Variants in ZNF195 observed in about 807,000 individuals in gnomAD.
ZNF195 encodes zinc finger protein 195.
ZNF195 carries 11 observed loss-of-function variants against 19.5 expected under a neutral mutation model. That is an observed-to-expected ratio of 0.57 (90% CI 0.36 to 0.94). ZNF195 has a LOEUF of 0.94. Ranked by LOEUF, ZNF195 falls within the 40% of genes least tolerant of loss-of-function variation. The pLI is 0.01. For missense variants in ZNF195, 582 were observed against 709.0 expected, an observed-to-expected ratio of 0.82 and a Z score of 2.03; for synonymous variants, 214 against 248.1, an observed-to-expected ratio of 0.86 and a Z score of 1.29.
At chr11:3,371,127 T>G (rs2269734) in intron 2 of ZNF195, 57 bp from the exon 3 acceptor site, 1,182,166 of 1,548,508 alleles carry the variant, frequency 0.76, 453,834 homozygotes, top group Middle Eastern at 0.82. Flanking sequence ...ATTATCAACC[T>G]TGTACTGTGC....
intron 1 of ZNF195, chr11:3,373,676 C>G: frequency 7.8e-6 from 12 of 1,535,556 alleles, no homozygotes; most frequent in Non-Finnish European, 1.1e-5. Flanking sequence ...GAGAATATGC[C>G]TTTAAAGGTG....
chr11:3,374,779 G>A (rs1248133857), intron 1 of ZNF195, among the ~76,000 whole-genome samples: 2 of 152,254 alleles, frequency 1.3e-5, no homozygotes, highest in Non-Finnish European at 2.9e-5. Context: ...GGGATACAGA[G>A]GGGATGAAGT....
intron 3 of ZNF195, among the ~76,000 whole-genome samples, chr11:3,364,459 CT>C (rs1336064418): frequency 1.0e-3 from 155 of 152,244 alleles, no homozygotes; most frequent in Middle Eastern, 3.4e-3. Flanking sequence ...ATTCAAAATT[CT>C]GCTATAATAT....
rs779246198 is a variant in ZNF195 at position 3,361,888 on chromosome 11, C to G, written c.228G>C (p.Glu76Asp). Reference protein sequence around the residue: ...KRQEAADGHPEMGFHHATQAC... With the variant: ...KRQEAADGHPDMGFHHATQAC... Reference sequence around the variant, plus strand: ...CCTGAGTAGCATGGTGAAATCCCATCTCTACAGAAAATACAAAAAAATTAG... The same window carrying G: ...CCTGAGTAGCATGGTGAAATCCCATGTCTACAGAAAATACAAAAAAATTAG... Residue 76 changes from glutamate (E) to aspartate (D), a missense_variant and splice_region_variant, in exon 4 of 6, where the codon GAG becomes GAC. By Grantham distance (45) the Glu-to-Asp change is conservative. Around this residue, in one of 3 missense-constraint regions of ZNF195, gnomAD observed 129 missense variants for 112.1 expected, o/e 1.15. Coordinates refer to ENST00000399602, the MANE Select transcript of ZNF195 (RefSeq NM_001130520.3). 2.3e-6 allele frequency: 1 copy of G among 443,112 alleles called. No homozygotes were observed. Among genetic ancestry groups the G allele is most frequent in the Non-Finnish European group, 4.4e-6 (1 of 225,704 alleles). The allele number at this position is 443,112 out of a possible 1,614,324, so 27.4% of individuals were successfully genotyped here.
intron 1 of ZNF195, 118 bp downstream of exon 1, chr11:3,378,920 G>A (rs979828601): frequency 1.7e-5 from 20 of 1,211,690 alleles, no homozygotes; most frequent in East Asian, 9.5e-5. Context: ...GCAGCTGGAG[G>A]GGCCTCGGGT....
rs1266514483 is a variant in ZNF195, at chr11:3,360,078, T to C, written c.930A>G (p.Lys310=). 2 of 1,614,038 alleles carry C rather than the reference T, an allele frequency of 1.2e-6. No homozygotes were observed. The highest frequency in any genetic ancestry group is 1.7e-6 in the Non-Finnish European group (2 of 1,180,044). ...YKCQECNNVI[K]TCSVLTKNRI... is the part of the protein sequence containing the mutation. ...TATTTTTAGTAAGGACTGAGCAAGTTTTAATGACGTTGTTACATTCTTGAC... is the reference window on the plus strand; with the variant it reads ...TATTTTTAGTAAGGACTGAGCAAGTCTTAATGACGTTGTTACATTCTTGAC... The change falls in exon 6 of 6, where the codon AAA becomes AAG. Residue 310 remains lysine (K), a synonymous_variant. Transcript: ENST00000399602.
chr11:3,375,773 G>C (rs1222729488), intron 1 of ZNF195: 1 of 152,106 alleles, frequency 6.6e-6, no homozygotes, highest in Non-Finnish European at 1.5e-5. Context: ...ATACCAATGA[G>C]GTTTCTTCTC....
intron 3 of ZNF195, among the ~76,000 whole-genome samples, chr11:3,366,314 G>A (rs1468375058): frequency 6.8e-6 from 1 of 147,496 alleles, no homozygotes; most frequent in Non-Finnish European, 1.5e-5. Context: ...ATATAGGACA[G>A]CAAATGCATA....
intron 4 of ZNF195, 87 bp from the exon 5 acceptor site, chr11:3,360,875 GA>G: frequency 1.7e-6 from 2 of 1,155,434 alleles, no homozygotes; most frequent in South Asian, 3.2e-5. Context: ...ATGCCTTTAA[GA>G]GTACACCCTC....
At chr11:3,379,008 T>A in intron 1 of ZNF195, 30 bp downstream of exon 1, 1 of 1,405,170 alleles carries the variant, frequency 7.1e-7, no homozygotes, top group Non-Finnish European at 9.4e-7. Flanking sequence ...CCCCTCCCTG[T>A]CTCTCAGGAG....
At chr11:3,377,765 T>C (rs964570876) in intron 1 of ZNF195, 11 of 1,031,722 alleles carry the variant, frequency 1.1e-5, no homozygotes, top group African/African-American at 1.7e-5. Context: ...GACATGGCCA[T>C]GGTGGGCATC....
At chr11:3,368,512 A>G (rs1478733110) in intron 3 of ZNF195, among the ~76,000 whole-genome samples, 2 of 152,274 alleles carry the variant, frequency 1.3e-5, no homozygotes, top group African/African-American at 4.8e-5. Context: ...GACCAAGACT[A>G]TAGATTCAAT....
chr11:3,372,114 C>T (rs34669540), intron 1 of ZNF195, among the ~76,000 whole-genome samples: 2,738 of 152,262 alleles, frequency 0.018, 46 homozygotes, highest in Middle Eastern at 0.11. Context: ...ATTTCTAACG[C>T]GCTCACCAGT....
intron 3 of ZNF195, chr11:3,368,824 T>C (rs562789760): frequency 4.6e-5 from 21 of 455,714 alleles, no homozygotes; most frequent in Admixed American, 1.6e-4. Context: ...GAAGATACAA[T>C]ACAGACAGTA....
Position 3,360,406 on chromosome 11 carries a change from T to C in ZNF195, c.602A>G (p.Tyr201Cys). ...SLDECKLQKD[Y>C]NGLNQCSSTT... is the part of the protein sequence containing the mutation. The stretch of plus-strand genomic sequence containing the variant: ...TGATGAACATTGGTTAAGTCCATTA[T>C]AATCTTTTTGCAACTTACACTCATC... Residue 201 changes from tyrosine (Y) to cysteine (C), a missense_variant, in exon 6 of 6, where the codon TAT (tyrosine) becomes TGT (cysteine). Tyr to Cys is a radical substitution (Grantham distance 194). Transcript: ENST00000399602. 6.2e-7 allele frequency: 1 copy of C among 1,612,714 alleles called. No individual in the cohort carries two copies. The highest frequency in any genetic ancestry group is 8.5e-7 in the Non-Finnish European group (1 of 1,179,700).
chr11:3,360,348 T>C lies in ZNF195; in HGVS notation c.660A>G (p.Lys220=), dbSNP rs1313883986. The stretch of plus-strand genomic sequence containing the variant: ...AAAAGTTATCAAAGATTTTAACATA[T>C]TTATTATATTGAAAGATTTTGCTAT... ...TTHSKIFQYN[K]YVKIFDNFSN... is the part of the protein sequence containing the mutation. Residue 220 remains lysine (K), a synonymous_variant, in exon 6 of 6, where the codon AAA becomes AAG. Transcript: ENST00000399602. The C allele has an allele frequency of 4.4e-6, 7 of 1,601,548 alleles. No homozygotes were observed. The highest frequency in any genetic ancestry group is 5.1e-6 in the Non-Finnish European group (6 of 1,172,238).
intron 1 of ZNF195, chr11:3,377,505 G>A: frequency 1.1e-6 from 1 of 897,872 alleles, no homozygotes; most frequent in African/African-American, 1.8e-5. Context: ...GGGCAGAAAT[G>A]ATTTCGGTCT....
In ZNF195 at chr11:3,359,038, T is replaced by G; in HGVS notation, c.*80A>C. On this transcript the variant is annotated 3_prime_UTR_variant, in exon 6 of 6. Transcript: ENST00000399602. This position sits in a 1 kb window ranked among gnomAD's most constrained non-coding sequence, Gnocchi z 5.5. The stretch of plus-strand genomic sequence containing the variant: ...GTAATTACATTTATGATAACTTTAT[T>G]AAGTCTGAACTCTGATGTAAAGTGG... 2.8e-6 allele frequency: 4 copies of G among 1,425,090 alleles called. No individual in the cohort carries two copies. Among genetic ancestry groups the G allele is most frequent in the Non-Finnish European group, 3.7e-6 (4 of 1,083,336 alleles). 88.3% of individuals were successfully genotyped at this position (1,425,090 alleles called of 1,614,324 possible).
At chr11:3,377,863 A>G in intron 1 of ZNF195, 1 of 988,808 alleles carries the variant, frequency 1.0e-6, no homozygotes, top group Non-Finnish European at 1.2e-6. Flanking sequence ...TCCAAAGTGG[A>G]ACCTCAAACC....
Sources: gnomAD v4.1 joint callset for allele counts (sites outside exome capture counted in the v4.1 genomes callset) on GRCh38, gnomAD v4.1.1 for gene constraint, gnomAD v4.1.1 regional missense constraint, Gnocchi (gnomAD v3.1) non-coding constraint, MANE v1.5 for transcripts, NCBI Gene and HGNC (gene_info 2026-07-23, HGNC 2026-07-21) for gene names.